The following FAM200B variants were observed in gnomAD, a reference collection of about 807,000 sequenced individuals.
FAM200B encodes protein FAM200B.
FAM200B carries 32 observed loss-of-function variants against 33.1 expected under a neutral mutation model. The ratio of observed to expected loss-of-function variants is 0.97; its 90% confidence interval spans 0.73 to 1.30. FAM200B has a LOEUF of 1.30. FAM200B is among the 50% of genes most tolerant of loss of function. FAM200B has a pLI of 0.00. For missense variants in FAM200B, 741 were observed against 754.0 expected (o/e 0.98, Z 0.20); for synonymous variants, 240 against 264.8 (o/e 0.91, Z 0.91).
chr4:15,673,466 T>C, the FAM200B span, among the ~76,000 whole-genome samples: 1 of 151,794 alleles, frequency 6.6e-6, no homozygotes, highest in Admixed American at 6.6e-5. Flanking sequence ...AAAATAAGGA[T>C]AAATGTATCA....
the FAM200B span, among the ~76,000 whole-genome samples, chr4:15,665,367 A>G: frequency 6.6e-6 from 1 of 152,136 alleles, no homozygotes; most frequent in African/African-American, 2.4e-5. Context: ...TACCCCTATA[A>G]TCAGAATCCC....
At chr4:15,653,071 T>C in the FAM200B span, among the ~76,000 whole-genome samples, 7 of 152,310 alleles carry the variant, frequency 4.6e-5, no homozygotes, top group South Asian at 2.1e-4. Flanking sequence ...TGGCTATCAG[T>C]ATCAAGAAGA....
chr4:15,686,103 T>C (rs1361153811), intron 1 of FAM200B, 133 bp from the exon 2 acceptor site: 1 of 152,186 alleles, frequency 6.6e-6, no homozygotes, highest in Non-Finnish European at 1.5e-5. Context: ...CAATATAAGA[T>C]AGTGATAAAG....
the FAM200B span, among the ~76,000 whole-genome samples, chr4:15,658,810 C>A: frequency 6.6e-6 from 1 of 152,198 alleles, no homozygotes; most frequent in Non-Finnish European, 1.5e-5. Context: ...CCACAGAGGG[C>A]TTTCTGGTAG....
At chr4:15,637,550 T>C in the FAM200B span, among the ~76,000 whole-genome samples, 1 of 152,166 alleles carries the variant, frequency 6.6e-6, no homozygotes, top group Non-Finnish European at 1.5e-5. Context: ...ATTTTAAATA[T>C]AATACAGCTA....
chr4:15,644,729 A>AAAAGTGT, the FAM200B span: 1 of 1,556,940 alleles, frequency 6.4e-7, no homozygotes, highest in South Asian at 1.1e-5. Context: ...ATTTAAAAAG[A>AAAAGTGT]AAAGTGTAAT....
chr4:15,655,275 G>A, the FAM200B span: 1 of 1,431,648 alleles, frequency 7.0e-7, no homozygotes. Context: ...ACTTCTTCAG[G>A]AAAGGGCGCC....
chr4:15,670,637 C>G, the FAM200B span, among the ~76,000 whole-genome samples: 1 of 151,962 alleles, frequency 6.6e-6, no homozygotes, highest in African/African-American at 2.4e-5. Context: ...CCCTGGGCCC[C>G]TCCCCCCACA....
chr4:15,667,313 C>T, the FAM200B span, among the ~76,000 whole-genome samples: 4 of 152,276 alleles, frequency 2.6e-5, no homozygotes, highest in African/African-American at 9.6e-5. Context: ...AGGCACTCAA[C>T]ATTTGTTAAA....
chr4:15,690,176 G>C lies in FAM200B; in HGVS notation c.*1225G>C, dbSNP rs775870376. 1.2e-5 allele frequency: 2 copies of C among 167,062 alleles called. No homozygotes were observed. The highest frequency in any genetic ancestry group is 2.9e-5 in the Non-Finnish European group (2 of 68,118). The allele number at this position is 167,062 out of a possible 1,614,324, so 10.3% of individuals were successfully genotyped here. On this transcript the variant is annotated 3_prime_UTR_variant, in exon 2 of 2. Transcript: ENST00000422728. ...ACCATCCAGAAACGGCATTGATGTT[G>C]CTTCACGTTGCTGATGCTTAAGCAA...
the FAM200B span, among the ~76,000 whole-genome samples, chr4:15,654,794 C>G: frequency 6.6e-6 from 1 of 151,930 alleles, no homozygotes; most frequent in Non-Finnish European, 1.5e-5. Context: ...AACAACTACT[C>G]GGTGCAGATG....
chr4:15,675,172 C>G, the FAM200B span, among the ~76,000 whole-genome samples: 1 of 152,112 alleles, frequency 6.6e-6, no homozygotes, highest in Non-Finnish European at 1.5e-5. Flanking sequence ...TGTTAAGTCA[C>G]ATAATTTATA....
At chr4:15,655,099 G>C in the FAM200B span, 7 of 907,162 alleles carry the variant, frequency 7.7e-6, no homozygotes, top group South Asian at 5.2e-5. Flanking sequence ...GCGCGGCGAC[G>C]GCACGGGGCT....
At position 15,689,102 on chromosome 4, in the gene FAM200B, C is replaced by G. The variant is rs1280106610; in HGVS notation, c.*151C>G. 1.7e-6 allele frequency: 1 copy of G among 603,356 alleles called. No individual in the cohort carries two copies. The allele number at this position is 603,356 out of a possible 1,614,324, so 37.4% of individuals were successfully genotyped here. A position where few individuals can be genotyped will look rare whatever the true frequency, so the allele number is the denominator to read the frequency against. On this transcript the variant is annotated 3_prime_UTR_variant, in exon 2 of 2. Coordinates refer to ENST00000422728, the MANE Select transcript of FAM200B (RefSeq NM_001145191.2). ...ATAAAATTATTTTATGTTCATTGAA[C>G]AAAAATTTAATGAATTTCTGTTAGA...
the FAM200B span, among the ~76,000 whole-genome samples, chr4:15,661,179 C>G: frequency 6.6e-6 from 1 of 152,152 alleles, no homozygotes; most frequent in Non-Finnish European, 1.5e-5. Flanking sequence ...AATGTCTCTA[C>G]CAAGGTGATT....
the FAM200B span, chr4:15,659,843 G>A: frequency 2.0e-6 from 1 of 507,746 alleles, no homozygotes; most frequent in Admixed American, 6.4e-5. Context: ...CATGTGTATG[G>A]CCTGAGGGAA....
the FAM200B span, among the ~76,000 whole-genome samples, chr4:15,647,229 A>C: frequency 7.3e-6 from 1 of 137,694 alleles, no homozygotes; most frequent in Non-Finnish European, 1.5e-5. Context: ...TCTCAAAAAA[A>C]AAAAAAAAAA....
In FAM200B at chr4:15,688,374, CATT is replaced by C. The variant is rs1173495705; in HGVS notation, c.1401_1403del (p.Leu469del). The C allele has an allele frequency of 1.9e-6, 3 of 1,549,620 alleles. No homozygotes were observed. Among genetic ancestry groups the C allele is most frequent in the Admixed American group, 2.0e-5 (1 of 50,994 alleles). Reference sequence around the variant, plus strand: ...GAACGTATCCAGGGATTTCGAAAGACATTATTGTTATGGCAAGTAAGACTTAAA... The same window carrying C: ...GAACGTATCCAGGGATTTCGAAAGACATTGTTATGGCAAGTAAGACTTAAA... On this transcript the variant is annotated inframe_deletion, in exon 2 of 2. Transcript: ENST00000422728.
At chr4:15,678,289 A>G (rs965302868), upstream of FAM200B, among the ~76,000 whole-genome samples, 5 of 152,226 alleles carry the variant, frequency 3.3e-5, no homozygotes, top group Non-Finnish European at 5.9e-5. Context: ...AATTTTTTAC[A>G]CAAAACATTA....
Sources: gnomAD v4.1 joint callset for allele counts (sites outside exome capture counted in the v4.1 genomes callset) on GRCh38, gnomAD v4.1.1 for gene constraint, MANE v1.5 for transcripts, NCBI Gene and HGNC (gene_info 2026-07-23, HGNC 2026-07-21) for gene names.